S100Z: variants seen among roughly 807,000 people sequenced by gnomAD.
S100Z encodes the protein S100 calcium binding protein Z.
In S100Z, 11 loss-of-function variants were observed where a neutral mutation model predicts 8.5. That is an observed-to-expected ratio of 1.30 (90% CI 0.82 to 2.15). The LOEUF (loss-of-function observed/expected upper bound fraction) is 2.15, where lower values mean the gene tolerates loss of function less well. Ranked by LOEUF, S100Z falls within the 30% of genes most tolerant of loss-of-function variation. The probability of loss-of-function intolerance (pLI) is 0.00; values close to 1 mark genes in which losing one functional copy is unlikely to be tolerated. For missense variants in S100Z, 126 were observed against 117.9 expected, an observed-to-expected ratio of 1.07 and a Z score of -0.32; for synonymous variants, 34 against 43.8, an observed-to-expected ratio of 0.78 and a Z score of 0.89.
intron 4 of S100Z, among the ~76,000 whole-genome samples, chr5:76,907,001 T>TATATATATATATATATAC (rs1744470827): frequency 6.2e-5 from 1 of 16,254 alleles, no homozygotes; most frequent in Non-Finnish European, 1.4e-4. Context: ...TATATATATA[T>TATATATATATATATATAC]ATATATATAT....
chr5:76,941,073 T>C, the S100Z span, among the ~76,000 whole-genome samples: 3 of 152,134 alleles, frequency 2.0e-5, no homozygotes, highest in African/African-American at 7.2e-5. Flanking sequence ...TGAGACTGGG[T>C]AATCTGTAAA....
chr5:76,922,680 C>T (rs1479052174), downstream of S100Z, among the ~76,000 whole-genome samples: 4 of 152,194 alleles, frequency 2.6e-5, no homozygotes, highest in Non-Finnish European at 4.4e-5. Context: ...CCCGCTACCA[C>T]GCCCGGCTAA....
chr5:76,857,964 A>G, intron 1 of S100Z, among the ~76,000 whole-genome samples: 1 of 152,186 alleles, frequency 6.6e-6, no homozygotes, highest in East Asian at 1.9e-4. Context: ...GCTAACTTAA[A>G]AAGTGGCTTC....
At position 76,881,739 on chromosome 5, in the gene S100Z, G is replaced by A. The variant is rs1366678917; in HGVS notation, c.*2+3905G>A. The stretch of plus-strand genomic sequence containing the variant: ...TTGATAGGTGGAAGTTTCAGTGGGG[G>A]AATAGGTGAGAATGACCAGATGAGA... On this transcript the variant is annotated intron_variant, in intron 4 of 4. Transcript: ENST00000317593. Among the ~76,000 whole-genome samples, 4 of 152,292 alleles carry A rather than the reference G, an allele frequency of 2.6e-5. No homozygotes were observed. The East Asian group carries it at 7.7e-4, about 29-fold the overall frequency.
At chr5:76,895,725 A>C (rs1195461342) in intron 4 of S100Z, among the ~76,000 whole-genome samples, 3 of 145,618 alleles carry the variant, frequency 2.1e-5, no homozygotes, top group Non-Finnish European at 4.5e-5. Context: ...TAAAATATAG[A>C]GGGGTTTTTT....
chr5:76,863,755 G>A (rs183023992), intron 1 of S100Z, among the ~76,000 whole-genome samples: 393 of 152,134 alleles, frequency 2.6e-3, no homozygotes, highest in Non-Finnish European at 3.7e-3. Context: ...AGCCAGGATG[G>A]TCTCGATCTC....
At chr5:76,934,762 T>C in the S100Z span, among the ~76,000 whole-genome samples, 3 of 152,232 alleles carry the variant, frequency 2.0e-5, no homozygotes, top group African/African-American at 7.2e-5. Flanking sequence ...GGTGTCTTGA[T>C]CTTGGACTTC....
chr5:76,924,527 G>A (rs1561255510), downstream of S100Z, among the ~76,000 whole-genome samples: 1 of 152,140 alleles, frequency 6.6e-6, no homozygotes, highest in Non-Finnish European at 1.5e-5. Context: ...CCCCGGAGAA[G>A]TTAGGTCTGG....
At chr5:76,902,108 C>A (rs1744250071) in intron 4 of S100Z, among the ~76,000 whole-genome samples, 1 of 152,074 alleles carries the variant, frequency 6.6e-6, no homozygotes, top group Non-Finnish European at 1.5e-5. Context: ...CCTCTCCACT[C>A]TTCCCTCTCT....
At chr5:76,942,405 C>A in the S100Z span, among the ~76,000 whole-genome samples, 47 of 126,462 alleles carry the variant, frequency 3.7e-4, no homozygotes, top group Non-Finnish European at 1.3e-4. Flanking sequence ...AGCCACCATA[C>A]CTAGCCCAGT....
At chr5:76,895,597 T>G (rs1422551436) in intron 4 of S100Z, among the ~76,000 whole-genome samples, 1 of 151,986 alleles carries the variant, frequency 6.6e-6, no homozygotes, top group Non-Finnish European at 1.5e-5. Context: ...ATAGGGTATA[T>G]GAAAGGTTTT....
intron 2 of S100Z, among the ~76,000 whole-genome samples, chr5:76,871,784 C>T (rs1487678241): frequency 1.3e-5 from 2 of 152,216 alleles, no homozygotes; most frequent in Non-Finnish European, 2.9e-5. Flanking sequence ...ACCTTGGCCT[C>T]CCAAAGTATT....
the S100Z span, among the ~76,000 whole-genome samples, chr5:76,951,716 CCTTGGG>C: frequency 1.3e-5 from 2 of 152,082 alleles, no homozygotes; most frequent in Non-Finnish European, 2.9e-5. Flanking sequence ...TCTAAACAGC[CCTTGGG>C]ATGAGAAGGA....
intron 1 of S100Z, among the ~76,000 whole-genome samples, chr5:76,868,715 C>T (rs1396308555): frequency 1.3e-5 from 2 of 150,828 alleles, no homozygotes; most frequent in African/African-American, 4.9e-5. Context: ...CCTCTGTCTC[C>T]TGGGTTCAAG....
At chr5:76,930,164 A>G in the S100Z span, among the ~76,000 whole-genome samples, 1 of 152,224 alleles carries the variant, frequency 6.6e-6, no homozygotes, top group Non-Finnish European at 1.5e-5. Flanking sequence ...GAAAACAGCC[A>G]GGGATTTCCA....
intron 1 of S100Z, among the ~76,000 whole-genome samples, chr5:76,856,042 C>T (rs1171523952): frequency 1.3e-5 from 2 of 152,132 alleles, no homozygotes; most frequent in Non-Finnish European, 2.9e-5. Context: ...CCCTCTCTTT[C>T]TTCCTCCTCC....
chr5:76,946,807 C>T, the S100Z span, among the ~76,000 whole-genome samples: 1 of 151,976 alleles, frequency 6.6e-6, no homozygotes, highest in African/African-American at 2.4e-5. Context: ...TATATATCAC[C>T]ATTTCACATG....
At chr5:76,854,229 A>C (rs940241531) in intron 1 of S100Z, among the ~76,000 whole-genome samples, 1 of 152,230 alleles carries the variant, frequency 6.6e-6, no homozygotes, top group Non-Finnish European at 1.5e-5. Flanking sequence ...AAGAGACCCA[A>C]AAATGTGAAA....
intron 4 of S100Z, among the ~76,000 whole-genome samples, chr5:76,914,413 C>G (rs1744784355): frequency 6.7e-6 from 1 of 149,854 alleles, no homozygotes; most frequent in African/African-American, 2.5e-5. Context: ...GACCAATCAG[C>G]TCTCTGTAAA....
Sources: gnomAD v4.1 joint callset for allele counts (sites outside exome capture counted in the v4.1 genomes callset) on GRCh38, gnomAD v4.1.1 for gene constraint, MANE v1.5 for transcripts, NCBI Gene and HGNC (gene_info 2026-07-23, HGNC 2026-07-21) for gene names.